HROB: variants seen among roughly 807,000 people sequenced by gnomAD.
The protein encoded by HROB is homologous recombination factor with OB-fold, also known as homologous recombination OB-fold protein.
Under a neutral mutation model 61.0 loss-of-function variants are expected in HROB, and 44 were observed. The ratio of observed to expected loss-of-function variants is 0.72; its 90% CI spans 0.57 to 0.93. HROB has a LOEUF of 0.93. Among genes scored for constraint, HROB ranks in the 40% least tolerant of loss-of-function variants. The pLI, the probability that HROB is intolerant of heterozygous loss-of-function variation, is 0.00. For synonymous variants in HROB, 301 were observed against 310.4 expected (o/e 0.97, Z 0.32); for missense variants, 716 against 796.2 (o/e 0.90, Z 1.21).
intron 1 of HROB, 54 bp from the exon 2 acceptor site, chr17:44,145,149 G>T: frequency 6.3e-7 from 1 of 1,588,312 alleles, no homozygotes; most frequent in Non-Finnish European, 8.6e-7. Context: ...AGTGAGGACA[G>T]AATGTGCTTG....
In HROB at chr17:44,145,194, T is replaced by C. The variant is rs2053576547; in HGVS notation, c.4-9T>C. 1.2e-6 allele frequency: 2 copies of C among 1,613,742 alleles called. No individual in the cohort carries two copies. Among genetic ancestry groups the C allele is most frequent in the Non-Finnish European group, 8.5e-7 (1 of 1,179,770 alleles). ...TTTCTCAACCCCAGTTGGTTTTTTT[T>C]CTTTTCAGGCGTGCAGTTTGCAGAA... On this transcript the variant is annotated splice_polypyrimidine_tract_variant and intron_variant, in intron 1 of 9. Transcript: ENST00000585683.
intron 5 of HROB, among the ~76,000 whole-genome samples, chr17:44,153,124 TA>T (rs1259626440): frequency 6.6e-6 from 1 of 152,150 alleles, no homozygotes; most frequent in African/African-American, 2.4e-5. Flanking sequence ...CTGTGACTGT[TA>T]TGATGGAACA....
intron 2 of HROB, among the ~76,000 whole-genome samples, chr17:44,146,798 C>T (rs2053623130): frequency 6.6e-6 from 1 of 151,690 alleles, no homozygotes; most frequent in African/African-American, 2.4e-5. Flanking sequence ...CAATCCAGTG[C>T]AGTAGCAGAG....
chr17:44,146,368 A>G (rs1253201967), intron 2 of HROB, among the ~76,000 whole-genome samples: 1 of 152,182 alleles, frequency 6.6e-6, no homozygotes, highest in Non-Finnish European at 1.5e-5. Context: ...GCTTTTACAA[A>G]TAATTCACAA....
chr17:44,147,760 A>G, intron 2 of HROB, 98 bp from the exon 3 acceptor site: 4 of 1,219,094 alleles, frequency 3.3e-6, no homozygotes, highest in Non-Finnish European at 3.4e-6. Flanking sequence ...TCTTTCAAGT[A>G]TCTACACACA....
At chr17:44,154,257 G>A (rs151154644) in intron 5 of HROB, 26 of 282,074 alleles carry the variant, frequency 9.2e-5, no homozygotes, top group Middle Eastern at 2.6e-3. Flanking sequence ...CAGGAGAATC[G>A]CTTGAAACCA....
chr17:44,153,657 AT>A (rs2144020536), intron 5 of HROB, among the ~76,000 whole-genome samples: 1 of 152,284 alleles, frequency 6.6e-6, no homozygotes, highest in Non-Finnish European at 1.5e-5. Context: ...AGGCAGGAGA[AT>A]TGCTTGAACC....
Position 44,162,155 on chromosome 17 carries a change from G to C in HROB, c.*223G>C. ...CCGTTGGCACCAGAATCCGGCCGGA[G>C]ACTGGCTCTCCAGCCAACAAGAAAG... On this transcript the variant is annotated 3_prime_UTR_variant, in exon 10 of 10. Coordinates refer to ENST00000585683, the MANE Select transcript of HROB (RefSeq NM_001171251.3). 1.9e-6 allele frequency: 1 copy of C among 514,236 alleles called. No homozygotes were observed. The highest frequency in any genetic ancestry group is 3.5e-6 in the Non-Finnish European group (1 of 289,084). 31.9% of individuals were successfully genotyped at this position (514,236 alleles called of 1,614,324 possible).
At chr17:44,149,627 T>A (rs1380107891) in intron 3 of HROB, among the ~76,000 whole-genome samples, 1 of 152,166 alleles carries the variant, frequency 6.6e-6, no homozygotes, top group Non-Finnish European at 1.5e-5. Context: ...AGGCTGGTCA[T>A]GAACTAGGCT....
chr17:44,157,405 CTTT>C (rs71160088), intron 8 of HROB, among the ~76,000 whole-genome samples: 6 of 81,476 alleles, frequency 7.4e-5, no homozygotes, highest in African/African-American at 1.5e-4. Flanking sequence ...CATCATGTTT[CTTT>C]TTTTTTTTTT....
chr17:44,155,879 G>A (rs2053955113), intron 8 of HROB, among the ~76,000 whole-genome samples: 1 of 152,160 alleles, frequency 6.6e-6, no homozygotes, highest in Non-Finnish European at 1.5e-5. Context: ...AGCACTGGTG[G>A]GGACATCCTC....
At chr17:44,160,154 C>G (rs1234666140) in intron 9 of HROB, among the ~76,000 whole-genome samples, 2 of 152,260 alleles carry the variant, frequency 1.3e-5, no homozygotes, top group Non-Finnish European at 2.9e-5. Context: ...AGAGGACTTT[C>G]ACTCTTGTCT....
intron 8 of HROB, among the ~76,000 whole-genome samples, chr17:44,156,431 C>T (rs1458190689): frequency 1.3e-5 from 2 of 152,124 alleles, no homozygotes; most frequent in East Asian, 3.9e-4. Flanking sequence ...GCCATATTGG[C>T]CAGGCTGGTC....
At chr17:44,147,819 T>G in intron 2 of HROB, 39 bp from the exon 3 acceptor site, 1 of 1,560,974 alleles carries the variant, frequency 6.4e-7, no homozygotes, top group East Asian at 2.3e-5. Flanking sequence ...GGTTCTTGAT[T>G]TCCAGATGCC....
At position 44,162,335 on chromosome 17, in the gene HROB, CAG is replaced by C. The variant is rs558766967; in HGVS notation, c.*404_*405del. 45 of 196,624 alleles carry C rather than the reference CAG, an allele frequency of 2.3e-4. No homozygotes were observed. In the East Asian group the frequency reaches 2.8e-3, roughly 12 times the overall value. The allele number at this position is 196,624 out of a possible 1,614,324, so 12.2% of individuals were successfully genotyped here. ...AACAATGGCGGCCTGCCCCTCCACA[CAG>C]GGGAGAAGCACGCTCAGGCTTCCTC... On this transcript the variant is annotated 3_prime_UTR_variant, in exon 10 of 10. Transcript: ENST00000585683.
rs760058867 is a variant in HROB at position 44,148,839 on chromosome 17, G to A, written c.1036G>A (p.Val346Met). 5 of 1,614,214 alleles carry A rather than the reference G, an allele frequency of 3.1e-6. No individual in the cohort carries two copies. The highest frequency in any genetic ancestry group is 4.5e-5 in the East Asian group (2 of 44,888). Residue 346 changes from valine (V) to methionine (M), a missense_variant, in exon 3 of 10, where the codon GTG becomes ATG. By Grantham distance (21) the Val-to-Met change is conservative. Coordinates refer to ENST00000585683, the MANE Select transcript of HROB (RefSeq NM_001171251.3). ...GATACCCTTACAACCGCAAGCTCCA[G>A]TGTCTTCCATTGGGTCTCCTGTTGG... Reference protein sequence around the residue: ...PRIPLQPQAPVSSIGSPVGTP... With the variant: ...PRIPLQPQAPMSSIGSPVGTP...
intron 2 of HROB, among the ~76,000 whole-genome samples, chr17:44,145,586 G>GAGAT (rs2053587679): frequency 6.6e-6 from 1 of 152,226 alleles, no homozygotes. Flanking sequence ...AACCATGTAA[G>GAGAT]AGATAGCATA....
chr17:44,157,773 G>C (rs1178350169), intron 8 of HROB, 60 bp from the exon 9 acceptor site: 4 of 1,305,008 alleles, frequency 3.1e-6, no homozygotes, highest in Non-Finnish European at 4.3e-6. Flanking sequence ...GGGTAGAGGT[G>C]GTGCCATCTG....
In HROB at chr17:44,161,807, G is replaced by A. The variant is rs2054148843; in HGVS notation, c.1880-64G>A. 6.4e-6 allele frequency: 10 copies of A among 1,562,696 alleles called. No homozygotes were observed. The Admixed American group carries it at 1.7e-4, about 26-fold the overall frequency. On this transcript the variant is annotated intron_variant, in intron 9 of 9. Coordinates refer to ENST00000585683, the MANE Select transcript of HROB (RefSeq NM_001171251.3). ...GGCCCTCCTGAAGGGCAGAAACTTT[G>A]GACCTGAGTCACATGGAATGCTGAT...
Sources: allele counts gnomAD v4.1 joint callset (sites outside exome capture counted in the v4.1 genomes callset), GRCh38; gene constraint gnomAD v4.1.1; transcripts MANE v1.5; gene names NCBI Gene and HGNC (gene_info 2026-07-23, HGNC 2026-07-21).